Variants in FRMD4A observed in about 807,000 individuals in gnomAD.
FRMD4A encodes the protein FERM domain-containing protein 4A.
In FRMD4A, 29 loss-of-function variants were observed where a neutral mutation model predicts 129.1. That is an observed-to-expected ratio of 0.22 (90% CI 0.17 to 0.31). The LOEUF is 0.31. Ranked by LOEUF, FRMD4A falls within the 10% of genes least tolerant of loss-of-function variation. The pLI, the probability that FRMD4A is intolerant of heterozygous loss-of-function variation, is 1.00. For synonymous variants in FRMD4A, 634 were observed against 571.6 expected (o/e 1.11, Z -1.56); for missense variants, 1,272 against 1,375.8 (o/e 0.92, Z 1.19).
At chr10:13,663,618 C>G in intron 18 of FRMD4A, 109 bp from the exon 19 acceptor site, 1 of 692,106 alleles carries the variant, frequency 1.4e-6, no homozygotes, top group Admixed American at 2.2e-5. Context: ...TCTTCCTAAC[C>G]AGAAACAACC....
chr10:13,997,905 C>T lies in FRMD4A; in HGVS notation c.46-138993G>A, dbSNP rs189785733. Among the ~76,000 whole-genome samples, 217 of 152,266 alleles carry T rather than the reference C, an allele frequency of 1.4e-3. 1 individual carries two copies. The highest frequency in any genetic ancestry group is 2.1e-3 in the Non-Finnish European group (143 of 68,034). On this transcript the variant is annotated intron_variant, in intron 2 of 24. Transcript: ENST00000357447. The stretch of plus-strand genomic sequence containing the variant: ...GTGCTGGGATTACAGCCACTAAGCC[C>T]GGCCAACACAAAGCAATTTTGATGC...
intron 6 of FRMD4A, among the ~76,000 whole-genome samples, chr10:13,778,551 T>C (rs932217089): frequency 5.3e-5 from 8 of 151,978 alleles, no homozygotes; most frequent in Non-Finnish European, 1.0e-4. Context: ...AGTGAATGTG[T>C]TGAGGTAGTT....
In FRMD4A at chr10:14,054,285, C is replaced by T. The variant is rs1024822590; in HGVS notation, c.46-195373G>A. 3.9e-5 allele frequency among the ~76,000 whole-genome samples: 6 copies of T among 152,168 alleles called. No individual in the cohort carries two copies. In the East Asian group the frequency reaches 1.2e-3, roughly 29 times the overall value. On this transcript the variant is annotated intron_variant, in intron 2 of 24. Coordinates refer to ENST00000357447, the MANE Select transcript of FRMD4A (RefSeq NM_018027.5). The stretch of plus-strand genomic sequence containing the variant: ...TTTGTATCTCACTATTATGGCCTTG[C>T]CACCTCTTCTGTGGCTGCTGACCCT...
At chr10:14,187,337 T>C (rs1337127527) in intron 2 of FRMD4A, among the ~76,000 whole-genome samples, 2 of 152,182 alleles carry the variant, frequency 1.3e-5, no homozygotes, top group East Asian at 3.8e-4. Context: ...GATAAGTAAA[T>C]TGAGTCCCAG....
intron 15 of FRMD4A, 59 bp downstream of exon 15, chr10:13,693,839 G>A (rs2085958814): frequency 6.4e-7 from 1 of 1,570,080 alleles, no homozygotes; most frequent in Non-Finnish European, 8.8e-7. Context: ...ACCTTCCTGG[G>A]TCCCCTCTGG....
intron 24 of FRMD4A, among the ~76,000 whole-genome samples, chr10:13,650,197 G>C (rs935068927): frequency 1.3e-5 from 2 of 152,146 alleles, no homozygotes; most frequent in Admixed American, 1.3e-4. Flanking sequence ...TGGGAGGGAG[G>C]AATTTCAAAC....
intron 21 of FRMD4A, among the ~76,000 whole-genome samples, chr10:13,658,696 C>T (rs1589237798): frequency 6.6e-6 from 1 of 152,310 alleles, no homozygotes; most frequent in South Asian, 2.1e-4. Context: ...GCCTGGCCAA[C>T]ATGGTGAAAC....
At position 14,112,756 on chromosome 10, in the gene FRMD4A, C is replaced by G. The variant is rs189358817; in HGVS notation, c.45+217302G>C. 1.3e-3 allele frequency among the ~76,000 whole-genome samples: 205 copies of G among 152,288 alleles called. 1 individual carries two copies. The highest frequency in any genetic ancestry group is 4.8e-3 in the African/African-American group (201 of 41,560). On this transcript the variant is annotated intron_variant, in intron 2 of 24. Coordinates refer to ENST00000357447, the MANE Select transcript of FRMD4A (RefSeq NM_018027.5). ...GGCCAGGCCGGTCTTGAACTCCTGACCTCAGGTGATCCGCCTTCCTCGGCC... is the reference window on the plus strand; with the variant it reads ...GGCCAGGCCGGTCTTGAACTCCTGAGCTCAGGTGATCCGCCTTCCTCGGCC...
intron 2 of FRMD4A, among the ~76,000 whole-genome samples, chr10:14,015,361 C>CTCCT (rs1190027778): frequency 6.9e-6 from 1 of 143,902 alleles, no homozygotes; most frequent in Non-Finnish European, 1.5e-5. Flanking sequence ...CTTCCCTTTT[C>CTCCT]TCCTTCCTTC....
intron 2 of FRMD4A, among the ~76,000 whole-genome samples, chr10:14,116,069 A>G (rs545751784): frequency 6.9e-4 from 105 of 152,356 alleles, no homozygotes; most frequent in Non-Finnish European, 1.1e-3. Context: ...AGGCACTAGG[A>G]AAACAGGACC....
rs554936579 is a variant in FRMD4A at position 13,682,502 on chromosome 10, T to C, written c.1118-7458A>G. On this transcript the variant is annotated intron_variant, in intron 15 of 24. Transcript: ENST00000357447. Reference sequence around the variant, plus strand: ...CATTCCCATTTTCTTTCTTTCTTTTTTTTTTTTTTTTTTTTTGAGACAGAG... The same window carrying C: ...CATTCCCATTTTCTTTCTTTCTTTTCTTTTTTTTTTTTTTTTGAGACAGAG... Among the ~76,000 whole-genome samples the C allele has an allele frequency of 9.5e-3, 1,372 of 143,866 alleles. 21 individuals carry two copies. The highest frequency in any genetic ancestry group is 0.034 in the African/African-American group (1,306 of 38,690). The allele number at this position is 143,866 out of a possible 152,430, so 94.4% of individuals were successfully genotyped here. A position where few individuals can be genotyped will look rare whatever the true frequency, so the allele number is the denominator to read the frequency against.
At chr10:13,967,122 G>A (rs2095490016) in intron 2 of FRMD4A, among the ~76,000 whole-genome samples, 1 of 152,230 alleles carries the variant, frequency 6.6e-6, no homozygotes, top group African/African-American at 2.4e-5. Context: ...AGATCACGAG[G>A]TCAGGAAATT....
At position 13,785,786 on chromosome 10, in the gene FRMD4A, G is replaced by A. The variant is rs577079667; in HGVS notation, c.300-2780C>T. ...TCCCTCCCCCTACCCCCCACCCCAC[G>A]ACAGGCCCCAGTATGTGATGTTCCC... On this transcript the variant is annotated intron_variant, in intron 5 of 24. Coordinates refer to ENST00000357447, the MANE Select transcript of FRMD4A (RefSeq NM_018027.5). 9.2e-5 allele frequency among the ~76,000 whole-genome samples: 10 copies of A among 108,640 alleles called. No individual in the cohort carries two copies. The East Asian group carries it at 1.3e-3, about 14-fold the overall frequency. The allele number at this position is 108,640 out of a possible 152,430, so 71.3% of individuals were successfully genotyped here. A position where few individuals can be genotyped will look rare whatever the true frequency, so the allele number is the denominator to read the frequency against.
At chr10:14,158,063 G>A (rs1054891513) in intron 2 of FRMD4A, among the ~76,000 whole-genome samples, 6 of 152,132 alleles carry the variant, frequency 3.9e-5, no homozygotes, top group African/African-American at 1.4e-4. Flanking sequence ...AAGAAGGAGC[G>A]ATAGCTCAGG....
chr10:14,325,203 C>A (rs1012826467), intron 2 of FRMD4A, among the ~76,000 whole-genome samples: 13 of 152,152 alleles, frequency 8.5e-5, no homozygotes, highest in African/African-American at 3.1e-4. Flanking sequence ...TTGGGATCTG[C>A]GGAAAAGCCA....
intron 15 of FRMD4A, chr10:13,692,126 T>C (rs1269454570): frequency 6.9e-6 from 1 of 145,830 alleles, no homozygotes; most frequent in Non-Finnish European, 1.5e-5. Context: ...TTGAAGCTTA[T>C]AAAATTTTAG....
At chr10:14,236,781 C>T (rs561347372) in intron 2 of FRMD4A, among the ~76,000 whole-genome samples, 9 of 152,104 alleles carry the variant, frequency 5.9e-5, no homozygotes, top group East Asian at 3.9e-4. Context: ...TCCAACAACG[C>T]GCAAACATCC....
At chr10:14,229,259 A>G (rs541045039) in intron 2 of FRMD4A, among the ~76,000 whole-genome samples, 5 of 152,174 alleles carry the variant, frequency 3.3e-5, no homozygotes, top group Non-Finnish European at 7.4e-5. Context: ...TAGAGGTAAT[A>G]AAATAAAGCA....
intron 8 of FRMD4A, among the ~76,000 whole-genome samples, chr10:13,755,429 G>A (rs2091818752): frequency 6.6e-6 from 1 of 152,188 alleles, no homozygotes; most frequent in Non-Finnish European, 1.5e-5. Flanking sequence ...TTCCACACTA[G>A]TGAGCACACC....
Sources: allele counts gnomAD v4.1 joint callset (sites outside exome capture counted in the v4.1 genomes callset), GRCh38; gene constraint gnomAD v4.1.1; transcripts MANE v1.5; gene names NCBI Gene and HGNC (gene_info 2026-07-23, HGNC 2026-07-21).